Variants in ULBP3 observed in about 807,000 individuals in gnomAD.
ULBP3 encodes UL16-binding protein 3.
In ULBP3, 25 loss-of-function variants were observed where a neutral mutation model predicts 24.9. That is an observed-to-expected ratio of 1.00 (90% CI 0.73 to 1.40). The LOEUF is 1.40. ULBP3 is among the 40% of genes most tolerant of loss of function. The pLI, the probability that ULBP3 is intolerant of heterozygous loss-of-function variation, is 0.00. For missense variants in ULBP3, 306 were observed against 307.5 expected (o/e 1.00, Z 0.04); for synonymous variants, 114 against 114.7 (o/e 0.99, Z 0.04).
chr6:150,062,971 G>T lies in ULBP3; in HGVS notation c.*403C>A, dbSNP rs377040672. Among the ~76,000 whole-genome samples the T allele has an allele frequency of 6.6e-6, 1 of 151,198 alleles. No individual in the cohort carries two copies. Among genetic ancestry groups the T allele is most frequent in the African/African-American group, 2.4e-5 (1 of 41,108 alleles). On this transcript the variant is annotated 3_prime_UTR_variant, in exon 5 of 5. Coordinates refer to ENST00000367339, the MANE Select transcript of ULBP3 (RefSeq NM_024518.3). The stretch of plus-strand genomic sequence containing the variant: ...CAAAAAATTAGCCGGGCGCGGTGGC[G>T]GGTGCCTGTAGTCCCAGCTACTCGG...
chr6:150,066,577 T>G (rs540317382), intron 1 of ULBP3, among the ~76,000 whole-genome samples: 6 of 152,118 alleles, frequency 3.9e-5, no homozygotes, highest in Non-Finnish European at 7.4e-5. Flanking sequence ...ACATGGTAAG[T>G]TCCCTGGAAT....
chr6:150,065,869 TC>T (rs745757514), intron 2 of ULBP3, 29 bp downstream of exon 2: 95 of 1,612,692 alleles, frequency 5.9e-5, no homozygotes, highest in Middle Eastern at 3.5e-4. Context: ...CACAGTCTGC[TC>T]CCTTCTGTCC....
intron 3 of ULBP3, 36 bp from the exon 4 acceptor site, chr6:150,064,749 A>G: frequency 1.2e-6 from 2 of 1,603,940 alleles, no homozygotes; most frequent in Non-Finnish European, 1.7e-6. Context: ...ACTCTTGTCC[A>G]CGCTCCAAAT....
intron 3 of ULBP3, among the ~76,000 whole-genome samples, chr6:150,065,062 A>G (rs980831215): frequency 6.6e-6 from 1 of 152,042 alleles, no homozygotes; most frequent in Non-Finnish European, 1.5e-5. Context: ...GGAAAGGAAA[A>G]GTGATCCTAG....
rs1333652394 is a variant in ULBP3 at position 150,062,662 on chromosome 6, G to T, written c.*712C>A. ...ATTTTACTAGCAATACCGTTTCGAA[G>T]AATAAGGTCATGCTTCAGAGAAATG... On this transcript the variant is annotated 3_prime_UTR_variant, in exon 5 of 5. Coordinates refer to ENST00000367339, the MANE Select transcript of ULBP3 (RefSeq NM_024518.3). Among the ~76,000 whole-genome samples, 2 of 152,242 alleles carry T rather than the reference G, an allele frequency of 1.3e-5. No homozygotes were observed. Among genetic ancestry groups the T allele is most frequent in the African/African-American group, 2.4e-5 (1 of 41,466 alleles).
chr6:150,065,909 G>T lies in ULBP3; in HGVS notation c.342C>A (p.Phe114Leu). 6.2e-7 allele frequency: 1 copy of T among 1,614,112 alleles called. No homozygotes were observed. The highest frequency in any genetic ancestry group is 8.5e-7 in the Non-Finnish European group (1 of 1,180,044). The change falls in exon 2 of 5, where the codon TTC (phenylalanine) becomes TTA (leucine). Residue 114 changes from phenylalanine to leucine, a missense_variant. Phe to Leu is a conservative substitution (Grantham distance 22, BLOSUM62 0). Coordinates refer to ENST00000367339, the MANE Select transcript of ULBP3 (RefSeq NM_024518.3). ...LELADTELED[F>L]TPSGPLTLQV... ...GTCTCTTTCACTCACCACTGGGTGT[G>T]AAATCCTCCAGCTCAGTGTCAGCCA... is the stretch of plus-strand genomic sequence containing the variant.
chr6:150,069,000 A>C lies in ULBP3; in HGVS notation c.67T>G (p.Trp23Gly). Residue 23 changes from tryptophan to glycine, a missense_variant, in exon 1 of 5, where the codon TGG (tryptophan) becomes GGG (glycine). Transcript: ENST00000367339. ...LAILPYLLFDWSGTGRADAHS... is the reference protein window; with the variant it reads ...LAILPYLLFDGSGTGRADAHS... Reference sequence around the variant, plus strand: ...TCACCGGCCCGCCCCGTCCCGGACCAGTCGAATAGCAGGTACGGAAGAATC... The same window carrying C: ...TCACCGGCCCGCCCCGTCCCGGACCCGTCGAATAGCAGGTACGGAAGAATC... The C allele has an allele frequency of 6.2e-7, 1 of 1,609,490 alleles. No homozygotes were observed. Among genetic ancestry groups the C allele is most frequent in the Non-Finnish European group, 8.5e-7 (1 of 1,177,964 alleles).
At position 150,062,751 on chromosome 6, in the gene ULBP3, T is replaced by C. The variant is rs547845097; in HGVS notation, c.*623A>G. Among the ~76,000 whole-genome samples, 133 of 150,786 alleles carry C rather than the reference T, an allele frequency of 8.8e-4. No homozygotes were observed. Among genetic ancestry groups the C allele is most frequent in the African/African-American group, 3.1e-3 (129 of 41,014 alleles). On this transcript the variant is annotated 3_prime_UTR_variant, in exon 5 of 5. Transcript: ENST00000367339. Reference sequence around the variant, plus strand: ...CTTTTGCTGGGATTTCTTGTTCAGTTAAAACTTGTGCAGGAATTCCATCCA... The same window carrying C: ...CTTTTGCTGGGATTTCTTGTTCAGTCAAAACTTGTGCAGGAATTCCATCCA...
rs1582863627 is a variant in ULBP3 at position 150,062,484 on chromosome 6, G to A, written c.*890C>T. On this transcript the variant is annotated 3_prime_UTR_variant, in exon 5 of 5. Transcript: ENST00000367339. ...TCTAGAGGATCACTTGAGCCCAGGA[G>A]TTGGAGATTACAGTGAGTGATGACT... 6.6e-6 allele frequency among the ~76,000 whole-genome samples: 1 copy of A among 152,058 alleles called. No individual in the cohort carries two copies. Among genetic ancestry groups the A allele is most frequent in the African/African-American group, 2.4e-5 (1 of 41,390 alleles).
chr6:150,069,007 T>TA lies in ULBP3; in HGVS notation c.59dup (p.Phe21IlefsTer17). 6.2e-7 allele frequency: 1 copy of TA among 1,611,268 alleles called. No individual in the cohort carries two copies. On this transcript the variant is annotated frameshift_variant, in exon 1 of 5. Transcript: ENST00000367339. LOFTEE classifies it high-confidence loss of function. ...CCCGCCCCGTCCCGGACCAGTCGAATAGCAGGTACGGAAGAATCGCGAGGC... is the reference window on the plus strand; with the variant it reads ...CCCGCCCCGTCCCGGACCAGTCGAATAAGCAGGTACGGAAGAATCGCGAGGC...
intron 3 of ULBP3, 78 bp downstream of exon 3, chr6:150,065,320 C>T (rs141604079): frequency 1.3e-6 from 2 of 1,576,458 alleles, no homozygotes; most frequent in African/African-American, 2.7e-5. Flanking sequence ...CCCACACCCA[C>T]CATACTCAGA....
chr6:150,067,522 A>G (rs1329655403), intron 1 of ULBP3, among the ~76,000 whole-genome samples: 1 of 152,220 alleles, frequency 6.6e-6, no homozygotes, highest in Non-Finnish European at 1.5e-5. Flanking sequence ...GGTCCAGCTT[A>G]GAGGGATGTG....
In ULBP3 at chr6:150,065,992, C is replaced by T. The variant is rs771275850; in HGVS notation, c.259G>A (p.Ala87Thr). ...AGCATTTCCAGTTGTTTTCCCCAGG[C>T]ATCTGTGGCATACAGCTGCTCTTCT... ...HLEEQLYATD[A>T]WGKQLEMLRE... is the part of the protein sequence containing the mutation. Residue 87 changes from alanine to threonine, a missense_variant, in exon 2 of 5, where the codon GCC becomes ACC. By Grantham distance (58) the Ala-to-Thr change is moderately conservative. Coordinates refer to ENST00000367339, the MANE Select transcript of ULBP3 (RefSeq NM_024518.3). 5 of 1,614,222 alleles carry T rather than the reference C, an allele frequency of 3.1e-6. No individual in the cohort carries two copies. The Admixed American group carries it at 8.3e-5, about 27-fold the overall frequency.
chr6:150,065,481 A>T lies in ULBP3; in HGVS notation c.545T>A (p.Phe182Tyr), dbSNP rs1477247718. 1.2e-6 allele frequency: 2 copies of T among 1,614,160 alleles called. No homozygotes were observed. Among genetic ancestry groups the T allele is most frequent in the Admixed American group, 3.3e-5 (2 of 60,028 alleles). Reference sequence around the variant, plus strand: ...GTCTCTCATTGAGACCATCTTGAAGAAGGTGGTCAGTCCGCTATCCTTCTC... The same window carrying T: ...GTCTCTCATTGAGACCATCTTGAAGTAGGTGGTCAGTCCGCTATCCTTCTC... ...KWEKDSGLTTFFKMVSMRDCK... is the reference protein window; with the variant it reads ...KWEKDSGLTTYFKMVSMRDCK... Residue 182 changes from phenylalanine to tyrosine, a missense_variant, in exon 3 of 5, where the codon TTC (phenylalanine) becomes TAC (tyrosine). Coordinates refer to ENST00000367339, the MANE Select transcript of ULBP3 (RefSeq NM_024518.3).
intron 4 of ULBP3, 48 bp downstream of exon 4, chr6:150,064,537 A>G: frequency 6.5e-7 from 1 of 1,541,958 alleles, no homozygotes; most frequent in Admixed American, 1.7e-5. Flanking sequence ...CCTTCCTCCC[A>G]CCTCACCCAT....
intron 1 of ULBP3, 93 bp downstream of exon 1, chr6:150,068,886 C>G: frequency 7.5e-7 from 1 of 1,331,160 alleles, no homozygotes; most frequent in Non-Finnish European, 1.0e-6. Context: ...CGCGCCGGTC[C>G]TTCTAGAAGG....
At chr6:150,064,386 T>G (rs1217021438) in intron 4 of ULBP3, among the ~76,000 whole-genome samples, 199 bp downstream of exon 4, 1 of 152,134 alleles carries the variant, frequency 6.6e-6, no homozygotes, top group African/African-American at 2.4e-5. Context: ...CTGGCCCTGA[T>G]GGTGAGAATC....
In ULBP3 at chr6:150,062,958, C is replaced by A; in HGVS notation, c.*416G>T. The stretch of plus-strand genomic sequence containing the variant: ...TCTACTAAAAATACAAAAAATTAGC[C>A]GGGCGCGGTGGCGGGTGCCTGTAGT... On this transcript the variant is annotated 3_prime_UTR_variant, in exon 5 of 5. Transcript: ENST00000367339. Among the ~76,000 whole-genome samples the A allele has an allele frequency of 6.8e-6, 1 of 147,836 alleles. No homozygotes were observed. Among genetic ancestry groups the A allele is most frequent in the East Asian group, 2.0e-4 (1 of 5,044 alleles).
chr6:150,066,428 G>A (rs1376285246), intron 1 of ULBP3, among the ~76,000 whole-genome samples: 3 of 152,236 alleles, frequency 2.0e-5, no homozygotes, highest in South Asian at 2.1e-4. Context: ...TAGATGGCAG[G>A]ATCTGCAGGA....
Sources: allele counts gnomAD v4.1 joint callset (sites outside exome capture counted in the v4.1 genomes callset), GRCh38; gene constraint gnomAD v4.1.1; transcripts MANE v1.5; gene names NCBI Gene and HGNC (gene_info 2026-07-23, HGNC 2026-07-21).